UBAC2: variants seen among roughly 807,000 people sequenced by gnomAD.
The protein encoded by UBAC2 is UBA domain containing 2.
Under a neutral mutation model 44.0 loss-of-function variants are expected in UBAC2, and 26 were observed. The observed-to-expected ratio is 0.59, with a 90% confidence interval of 0.43 to 0.82. UBAC2 has a LOEUF of 0.82. UBAC2 is among the 40% of genes least tolerant of loss of function. The pLI is 0.00. For synonymous variants in UBAC2, 155 were observed against 154.3 expected (o/e 1.00, Z -0.04); for missense variants, 329 against 419.4 (o/e 0.78, Z 1.88).
intron 4 of UBAC2, chr13:99,255,433 A>T: frequency 6.2e-7 from 1 of 1,614,100 alleles, no homozygotes; most frequent in Non-Finnish European, 8.5e-7. Flanking sequence ...CAGGGTCATT[A>T]TCCAGACTCC....
At chr13:99,288,313 GA>G (rs1454355800) in intron 4 of UBAC2, among the ~76,000 whole-genome samples, 3 of 152,344 alleles carry the variant, frequency 2.0e-5, no homozygotes, top group Non-Finnish European at 2.9e-5. Flanking sequence ...ATGTGGGGCA[GA>G]AAGTAACGTG....
Position 99,243,918 on chromosome 13 carries a change from A to C in UBAC2, c.246A>C (p.Ile82=). The C allele has an allele frequency of 6.4e-7, 1 of 1,550,822 alleles. No homozygotes were observed. Among genetic ancestry groups the C allele is most frequent in the Non-Finnish European group, 8.7e-7 (1 of 1,147,470 alleles). The change falls in exon 3 of 9, where the codon ATA becomes ATC. Residue 82 remains isoleucine (I), a synonymous_variant. Transcript: ENST00000403766. ...CSSLLIYNFR[I]FERRYGSRKF... is the part of the protein sequence containing the mutation. ...GTCTGCTTATTTATAATTTTAGGAT[A>C]TTTGAAAGAAGATATGGAAGCAGAA...
intron 7 of UBAC2, among the ~76,000 whole-genome samples, chr13:99,345,050 A>G (rs1414598540): frequency 6.6e-6 from 1 of 152,174 alleles, no homozygotes; most frequent in African/African-American, 2.4e-5. Flanking sequence ...AGGAAGTAGA[A>G]GGACGGGTGG....
chr13:99,286,058 C>A (rs1206397123), intron 4 of UBAC2, among the ~76,000 whole-genome samples: 1 of 152,126 alleles, frequency 6.6e-6, no homozygotes, highest in Non-Finnish European at 1.5e-5. Context: ...CCTGGTAGAC[C>A]AGTCCTTATG....
chr13:99,322,829 C>T lies in UBAC2; in HGVS notation c.561+4760C>T, dbSNP rs375520188. Among the ~76,000 whole-genome samples, 212 of 152,256 alleles carry T rather than the reference C, an allele frequency of 1.4e-3. 2 individuals carry two copies. Among genetic ancestry groups the T allele is most frequent in the African/African-American group, 4.9e-3 (205 of 41,538 alleles). On this transcript the variant is annotated intron_variant, in intron 6 of 8. Transcript: ENST00000403766. The stretch of plus-strand genomic sequence containing the variant: ...AGATTACAGAAGCCTTATCAGGGTT[C>T]GTAGATCATAGGACAGGGGTAGGGA...
chr13:99,201,625 A>C, intron 1 of UBAC2: 1 of 1,593,490 alleles, frequency 6.3e-7, no homozygotes, highest in South Asian at 1.1e-5. Context: ...GAGTGTGTGG[A>C]ATTGACTTTC....
At chr13:99,318,616 C>T (rs945709466) in intron 6 of UBAC2, among the ~76,000 whole-genome samples, 1 of 150,368 alleles carries the variant, frequency 6.7e-6, no homozygotes, top group Non-Finnish European at 1.5e-5. Context: ...GTCAGGAGAT[C>T]GAGACCATCC....
chr13:99,230,549 G>A (rs956559401), intron 1 of UBAC2, among the ~76,000 whole-genome samples: 2 of 152,126 alleles, frequency 1.3e-5, no homozygotes, highest in Non-Finnish European at 2.9e-5. Context: ...GATCTCACTG[G>A]GATAAAATCA....
chr13:99,328,825 A>G (rs1162882351), intron 6 of UBAC2, among the ~76,000 whole-genome samples: 1 of 113,026 alleles, frequency 8.8e-6, no homozygotes, highest in African/African-American at 2.6e-5. Flanking sequence ...AATCTTGATT[A>G]ATTCATTGTT....
At chr13:99,339,881 T>C (rs1156578997) in intron 6 of UBAC2, among the ~76,000 whole-genome samples, 1 of 152,256 alleles carries the variant, frequency 6.6e-6, no homozygotes, top group Non-Finnish European at 1.5e-5. Flanking sequence ...CTCTGATAAA[T>C]TGATCGTGTG....
chr13:99,370,948 C>A (rs1034040617), intron 8 of UBAC2, among the ~76,000 whole-genome samples: 1 of 152,214 alleles, frequency 6.6e-6, no homozygotes, highest in Non-Finnish European at 1.5e-5. Flanking sequence ...AAATAAGATA[C>A]TGCTGTCAAG....
At chr13:99,383,615 C>T (rs867188275) in intron 8 of UBAC2, among the ~76,000 whole-genome samples, 1 of 152,242 alleles carries the variant, frequency 6.6e-6, no homozygotes, top group African/African-American at 2.4e-5. Flanking sequence ...TTCTTGGCTT[C>T]CTAGCCAGGG....
intron 4 of UBAC2, among the ~76,000 whole-genome samples, chr13:99,290,181 C>T (rs1047324824): frequency 1.3e-5 from 2 of 152,108 alleles, no homozygotes; most frequent in South Asian, 2.1e-4. Context: ...CTGGAAAGTG[C>T]GACTGATAAA....
chr13:99,336,875 A>T (rs1480288619), intron 6 of UBAC2, among the ~76,000 whole-genome samples: 1 of 151,990 alleles, frequency 6.6e-6, no homozygotes, highest in African/African-American at 2.4e-5. Context: ...GGTACAGACC[A>T]TGCCTGGCCA....
At chr13:99,210,086 C>T (rs1566447505) in intron 1 of UBAC2, among the ~76,000 whole-genome samples, 1 of 152,134 alleles carries the variant, frequency 6.6e-6, no homozygotes, top group Admixed American at 6.5e-5. Context: ...GTAAAAGTAA[C>T]GTTAACCACA....
At chr13:99,357,250 G>C (rs1324544217) in intron 7 of UBAC2, among the ~76,000 whole-genome samples, 1 of 152,272 alleles carries the variant, frequency 6.6e-6, no homozygotes, top group Non-Finnish European at 1.5e-5. Context: ...TGTAGTAGGC[G>C]ATCACATCTA....
At chr13:99,341,030 A>AAG (rs1266894712) in intron 7 of UBAC2, among the ~76,000 whole-genome samples, 16 of 152,070 alleles carry the variant, frequency 1.1e-4, no homozygotes, top group Admixed American at 1.0e-3. Flanking sequence ...AGATAAAAAA[A>AAG]AATGCTGTGT....
intron 2 of UBAC2, among the ~76,000 whole-genome samples, chr13:99,242,525 C>T (rs2043320050): frequency 3.5e-5 from 5 of 141,256 alleles, no homozygotes; most frequent in Admixed American, 2.8e-4. Flanking sequence ...CCACCTCCCT[C>T]CCGGACGGGG....
At chr13:99,208,793 G>A (rs919963759) in intron 1 of UBAC2, among the ~76,000 whole-genome samples, 2 of 152,182 alleles carry the variant, frequency 1.3e-5, no homozygotes, top group African/African-American at 4.8e-5. Context: ...CCTGAGCCTC[G>A]CACGTAGTTA....
Sources: allele counts gnomAD v4.1 joint callset (sites outside exome capture counted in the v4.1 genomes callset), GRCh38; gene constraint gnomAD v4.1.1; transcripts MANE v1.5; gene names NCBI Gene and HGNC (gene_info 2026-07-23, HGNC 2026-07-21).